NETO1: variants seen among roughly 807,000 people sequenced by gnomAD.
NETO1 encodes the protein neuropilin and tolloid-like protein 1.
Under a neutral mutation model 61.3 loss-of-function variants are expected in NETO1, and 26 were observed. That is an observed-to-expected ratio of 0.42 (90% CI 0.31 to 0.59). The LOEUF (loss-of-function observed/expected upper bound fraction) is 0.59. NETO1 is among the 20% of genes least tolerant of loss of function. The pLI is 0.12. For synonymous variants in NETO1, 225 were observed against 225.8 expected (o/e 1.00, Z 0.03); for missense variants, 531 against 662.8 (o/e 0.80, Z 2.18).
chr18:72,860,956 A>G (rs1380076341), intron 3 of NETO1, among the ~76,000 whole-genome samples: 5 of 152,224 alleles, frequency 3.3e-5, no homozygotes, highest in Non-Finnish European at 1.5e-5. Context: ...TTATGATGAA[A>G]CAAATTATTT....
intron 4 of NETO1, among the ~76,000 whole-genome samples, chr18:72,840,524 AGG>A (rs1210186866): frequency 3.9e-5 from 6 of 152,332 alleles, no homozygotes; most frequent in Non-Finnish European, 8.8e-5. Context: ...GCAATTACTG[AGG>A]GTGATTTATA....
chr18:72,832,206 T>A (rs1159620974), intron 4 of NETO1, among the ~76,000 whole-genome samples: 3 of 152,166 alleles, frequency 2.0e-5, no homozygotes, highest in Non-Finnish European at 4.4e-5. Context: ...TGAGGCCATA[T>A]AAAATAATTT....
chr18:72,812,587 AC>A (rs1249848409), intron 4 of NETO1, among the ~76,000 whole-genome samples: 1 of 152,104 alleles, frequency 6.6e-6, no homozygotes, highest in Non-Finnish European at 1.5e-5. Flanking sequence ...GACCTTTATT[AC>A]TTTTTTTATT....
intron 4 of NETO1, among the ~76,000 whole-genome samples, chr18:72,808,501 C>G (rs1448385074): frequency 6.6e-6 from 1 of 151,562 alleles, no homozygotes; most frequent in African/African-American, 2.4e-5. Flanking sequence ...ACGTTGTCCT[C>G]TTCCATCCCA....
At chr18:72,759,376 C>T (rs2070894393) in intron 7 of NETO1, among the ~76,000 whole-genome samples, 1 of 152,090 alleles carries the variant, frequency 6.6e-6, no homozygotes, top group Admixed American at 6.6e-5. Context: ...TATATTTTAT[C>T]ATCTTTTTTG....
At chr18:72,780,206 T>C (rs948231889) in intron 7 of NETO1, among the ~76,000 whole-genome samples, 3 of 152,188 alleles carry the variant, frequency 2.0e-5, no homozygotes, top group Non-Finnish European at 4.4e-5. Context: ...TATGAGATGA[T>C]CACAGAGAAC....
chr18:72,786,576 A>T (rs1359677273), intron 6 of NETO1, among the ~76,000 whole-genome samples: 1 of 152,158 alleles, frequency 6.6e-6, no homozygotes, highest in South Asian at 2.1e-4. Context: ...TGAGAGACAT[A>T]TGCCCCAACG....
At chr18:72,781,011 G>A (rs985735072) in intron 7 of NETO1, among the ~76,000 whole-genome samples, 42 of 152,012 alleles carry the variant, frequency 2.8e-4, no homozygotes, top group Admixed American at 1.4e-3. Context: ...ATTTTTATCA[G>A]TCATAATCAA....
In NETO1 at chr18:72,794,136, C is replaced by T. The variant is rs371470518; in HGVS notation, c.620G>A (p.Arg207Gln). 44 of 1,614,032 alleles carry T rather than the reference C, an allele frequency of 2.7e-5. No homozygotes were observed. Among genetic ancestry groups the T allele is most frequent in the Non-Finnish European group, 3.5e-5 (41 of 1,180,028 alleles). ...SEAVDCKWYI[R>Q]APPRSKIYLR... ...ACTGACCTTGGACCGTGGAGGTGCT[C>T]GGATGTACCACTTGCAATCAACAGC... Residue 207 changes from arginine (R) to glutamine (Q), a missense_variant, in exon 6 of 11, where the codon CGA (arginine) becomes CAA (glutamine). Coordinates refer to ENST00000327305, the MANE Select transcript of NETO1 (RefSeq NM_138966.5).
At chr18:72,800,500 C>T (rs1028075910) in intron 4 of NETO1, among the ~76,000 whole-genome samples, 2 of 152,056 alleles carry the variant, frequency 1.3e-5, no homozygotes, top group Non-Finnish European at 2.9e-5. Flanking sequence ...TAGATGAGAC[C>T]GTCTAGTTGC....
intron 7 of NETO1, among the ~76,000 whole-genome samples, chr18:72,772,165 A>G (rs1041836747): frequency 5.8e-5 from 8 of 137,984 alleles, no homozygotes; most frequent in Non-Finnish European, 1.3e-4. Flanking sequence ...AGTTCTCTGT[A>G]TAATATGGCA....
chr18:72,784,077 T>C (rs2071832257), intron 6 of NETO1, among the ~76,000 whole-genome samples, 171 bp from the exon 7 acceptor site: 3 of 151,682 alleles, frequency 2.0e-5, no homozygotes, highest in Admixed American at 2.0e-4. Flanking sequence ...CTGTGTTTAA[T>C]ATTTTTTTTC....
At chr18:72,763,391 G>C in intron 7 of NETO1, among the ~76,000 whole-genome samples, 1 of 152,100 alleles carries the variant, frequency 6.6e-6, no homozygotes, top group Non-Finnish European at 1.5e-5. Flanking sequence ...CCTGGACTTA[G>C]GGTCTGGCTC....
At chr18:72,815,517 A>T (rs936269309) in intron 4 of NETO1, among the ~76,000 whole-genome samples, 8 of 152,182 alleles carry the variant, frequency 5.3e-5, no homozygotes, top group Non-Finnish European at 7.3e-5. Context: ...TTCATACAAG[A>T]GGAAATTTGA....
intron 4 of NETO1, among the ~76,000 whole-genome samples, chr18:72,803,588 G>A (rs563257243): frequency 7.2e-5 from 11 of 152,222 alleles, no homozygotes; most frequent in East Asian, 5.8e-4. Context: ...CTGGGAGGCC[G>A]AGGCAGGCAG....
chr18:72,854,997 C>T (rs959113610), intron 4 of NETO1, among the ~76,000 whole-genome samples: 2 of 151,938 alleles, frequency 1.3e-5, no homozygotes, highest in African/African-American at 4.8e-5. Flanking sequence ...ATTTTATATA[C>T]CAAACTTGAT....
At chr18:72,834,923 T>C in intron 4 of NETO1, 1 of 755,798 alleles carries the variant, frequency 1.3e-6, no homozygotes, top group Non-Finnish European at 1.6e-6. Context: ...ATATCATATA[T>C]AAAATAACAT....
In NETO1 at chr18:72,845,920, A is replaced by G. The variant is rs577527444; in HGVS notation, c.469+12906T>C. Among the ~76,000 whole-genome samples, 358 of 152,032 alleles carry G rather than the reference A, an allele frequency of 2.4e-3. 2 individuals carry two copies. The highest frequency in any genetic ancestry group is 8.2e-3 in the African/African-American group (339 of 41,390). On this transcript the variant is annotated intron_variant, in intron 4 of 10. Coordinates refer to ENST00000327305, the MANE Select transcript of NETO1 (RefSeq NM_138966.5). ...TTGTTAGAATAGAAAGCTATTTCCAATTCAAGCTAGAGACTGAAAAGTCTA... is the reference window on the plus strand; with the variant it reads ...TTGTTAGAATAGAAAGCTATTTCCAGTTCAAGCTAGAGACTGAAAAGTCTA...
chr18:72,848,419 G>A (rs913001358), intron 4 of NETO1, among the ~76,000 whole-genome samples: 2 of 152,040 alleles, frequency 1.3e-5, no homozygotes, highest in South Asian at 2.1e-4. Flanking sequence ...ATGAGTGAGG[G>A]TCTGGGCATG....
Sources: allele counts gnomAD v4.1 joint callset (sites outside exome capture counted in the v4.1 genomes callset), GRCh38; gene constraint gnomAD v4.1.1; transcripts MANE v1.5; gene names NCBI Gene and HGNC (gene_info 2026-07-23, HGNC 2026-07-21).